Variants in EFHC2 observed in about 807,000 individuals in gnomAD.
EFHC2 encodes EF-hand domain-containing family member C2.
In EFHC2, 18 loss-of-function variants were observed where a neutral mutation model predicts 52.7. That is an observed-to-expected ratio of 0.34 (90% CI 0.24 to 0.51). The LOEUF is 0.51. EFHC2 is among the 20% of genes least tolerant of loss of function. The pLI is 0.97. For synonymous variants in EFHC2, 203 were observed against 204.1 expected, an observed-to-expected ratio of 0.99 and a Z score of 0.04; for missense variants, 513 against 562.5, an observed-to-expected ratio of 0.91 and a Z score of 0.89.
intron 14 of EFHC2, among the ~76,000 whole-genome samples, chrX:44,159,972 T>C: frequency 8.9e-6 from 1 of 112,682 alleles, no homozygotes; most frequent in Middle Eastern, 4.6e-3. Flanking sequence ...ACAACCCTAA[T>C]GGAAGAACTA....
chrX:44,324,559 C>T (rs1299324179), intron 1 of EFHC2, among the ~76,000 whole-genome samples: 1 of 111,147 alleles, frequency 9.0e-6, no homozygotes, highest in East Asian at 2.8e-4. Flanking sequence ...CCTCCCCCAA[C>T]CCCTGCATAC....
chrX:44,331,441 T>G (rs2038085938), intron 1 of EFHC2, among the ~76,000 whole-genome samples: 1 of 111,831 alleles, frequency 8.9e-6, no homozygotes, highest in Non-Finnish European at 1.9e-5. Context: ...GGAATCCCTG[T>G]GGTGATAAGA....
intron 1 of EFHC2, among the ~76,000 whole-genome samples, chrX:44,329,854 C>A (rs1602220935): frequency 9.1e-6 from 1 of 109,677 alleles, no homozygotes; most frequent in East Asian, 2.9e-4. Flanking sequence ...AATCCTCCCA[C>A]CTCAGCCTCC....
intron 2 of EFHC2, among the ~76,000 whole-genome samples, chrX:44,298,659 G>A (rs1222177046): frequency 9.1e-6 from 1 of 109,914 alleles, no homozygotes; most frequent in Non-Finnish European, 1.9e-5. Context: ...TCAGCAGCTC[G>A]AGACCAGCCT....
At chrX:44,280,892 T>C (rs1213649423) in intron 2 of EFHC2, among the ~76,000 whole-genome samples, 1 of 111,893 alleles carries the variant, frequency 8.9e-6, no homozygotes, top group East Asian at 2.8e-4. Context: ...TTCAAGTGGG[T>C]ATTTCAATGT....
At chrX:44,179,203 A>G (rs1482709643) in intron 11 of EFHC2, among the ~76,000 whole-genome samples, 1 of 111,658 alleles carries the variant, frequency 9.0e-6, no homozygotes, top group African/African-American at 3.2e-5. Flanking sequence ...CAACATATCA[A>G]TGAAGACGAC....
chrX:44,214,963 A>G (rs185095713), intron 11 of EFHC2, among the ~76,000 whole-genome samples: 36 of 111,581 alleles, frequency 3.2e-4, no homozygotes, highest in African/African-American at 1.1e-3. Flanking sequence ...TTGAATTATA[A>G]TCCCCAGTGT....
In EFHC2 at chrX:44,183,810, G is replaced by A. The variant is rs143580676; in HGVS notation, c.1752-5246C>T. On this transcript the variant is annotated intron_variant, in intron 11 of 14. Coordinates refer to ENST00000420999, the MANE Select transcript of EFHC2 (RefSeq NM_025184.4). ...AATTCCACAGAAAAGGAGAAAAAAG[G>A]GGTCACTGTAGACTATCAGAAAACT... Among the ~76,000 whole-genome samples the A allele has an allele frequency of 3.3e-3, 373 of 111,939 alleles. 1 individual carries two copies. Among genetic ancestry groups the A allele is most frequent in the African/African-American group, 8.6e-3 (266 of 30,817 alleles).
chrX:44,322,360 C>T (rs746627420), intron 1 of EFHC2, among the ~76,000 whole-genome samples: 76 of 112,303 alleles, frequency 6.8e-4, no homozygotes, highest in African/African-American at 2.3e-3. Flanking sequence ...GAGCATCTAT[C>T]GAATGAATAG....
At chrX:44,268,059 A>C (rs2037590566) in intron 3 of EFHC2, among the ~76,000 whole-genome samples, 3 of 111,870 alleles carry the variant, frequency 2.7e-5, no homozygotes, top group Non-Finnish European at 5.6e-5. Context: ...ATTCAATGTC[A>C]TTACGCAGCG....
chrX:44,315,286 A>G (rs1381701295), intron 1 of EFHC2, among the ~76,000 whole-genome samples: 1 of 110,177 alleles, frequency 9.1e-6, no homozygotes, highest in Non-Finnish European at 1.9e-5. Flanking sequence ...CTGCAGAACC[A>G]TGAGCCAATT....
intron 14 of EFHC2, among the ~76,000 whole-genome samples, chrX:44,158,428 A>G (rs1488401383): frequency 9.0e-6 from 1 of 110,962 alleles, no homozygotes; most frequent in African/African-American, 3.3e-5. Context: ...CGGCTCATAT[A>G]CTGGAGGAAG....
At chrX:44,316,964 C>A (rs930109683) in intron 1 of EFHC2, among the ~76,000 whole-genome samples, 2 of 111,785 alleles carry the variant, frequency 1.8e-5, no homozygotes, top group Non-Finnish European at 3.8e-5. Context: ...TACTTGAGAC[C>A]GTCATTACAA....
chrX:44,219,103 C>G (rs757440263), intron 11 of EFHC2, among the ~76,000 whole-genome samples: 1 of 101,005 alleles, frequency 9.9e-6, no homozygotes, highest in Admixed American at 1.1e-4. Context: ...TGTATAATTC[C>G]GTTCATATGA....
intron 1 of EFHC2, among the ~76,000 whole-genome samples, chrX:44,323,025 ACCAAGTATGACTCCCTTACTAACCAAC>A (rs1470446094): frequency 4.0e-4 from 44 of 111,059 alleles, no homozygotes; most frequent in Non-Finnish European, 7.0e-4. Context: ...AAAAAAAGGG[ACCAAGTATGACTCCCTTACTAACCAAC>A]CCAAGAGCTT....
chrX:44,238,127 T>C (rs2037333847), intron 8 of EFHC2, among the ~76,000 whole-genome samples: 1 of 111,309 alleles, frequency 9.0e-6, no homozygotes, highest in South Asian at 3.8e-4. Context: ...AAACCTACCC[T>C]ATCTCCAGTC....
intron 14 of EFHC2, among the ~76,000 whole-genome samples, chrX:44,163,109 G>T (rs971973176): frequency 1.8e-5 from 2 of 112,376 alleles, no homozygotes; most frequent in Non-Finnish European, 3.8e-5. Context: ...CCATCTGGAA[G>T]TTCTATGGCT....
At chrX:44,210,340 G>A (rs1035141119) in intron 11 of EFHC2, among the ~76,000 whole-genome samples, 6 of 112,152 alleles carry the variant, frequency 5.3e-5, no homozygotes, top group Non-Finnish European at 7.5e-5. Flanking sequence ...TGATACCAAA[G>A]TTCAAAAGAA....
At chrX:44,267,354 C>T (rs766455097) in intron 3 of EFHC2, among the ~76,000 whole-genome samples, 3 of 111,942 alleles carry the variant, frequency 2.7e-5, no homozygotes, top group Non-Finnish European at 3.8e-5. Context: ...AAGTGCAATA[C>T]TGGCTTTCTT....
Sources: gnomAD v4.1 joint callset for allele counts (sites outside exome capture counted in the v4.1 genomes callset) on GRCh38, gnomAD v4.1.1 for gene constraint, MANE v1.5 for transcripts, NCBI Gene and HGNC (gene_info 2026-07-23, HGNC 2026-07-21) for gene names.